Variants in CLRN1 observed in about 807,000 individuals in gnomAD.
The protein encoded by CLRN1 is clarin-1.
A neutral mutation model predicts 18.7 loss-of-function variants in CLRN1; 15 were observed. The ratio of observed to expected loss-of-function variants is 0.80; its 90% confidence interval spans 0.54 to 1.23. CLRN1 has a LOEUF of 1.23. CLRN1 is among the 50% of genes most tolerant of loss of function. CLRN1 has a pLI of 0.00. For missense variants in CLRN1, 311 were observed against 277.5 expected (o/e 1.12, Z -0.86); for synonymous variants, 104 against 102.9 (o/e 1.01, Z -0.07).
intron 2 of CLRN1, among the ~76,000 whole-genome samples, chr3:150,935,904 A>T (rs1282904280): frequency 6.7e-6 from 1 of 148,312 alleles, no homozygotes; most frequent in African/African-American, 2.5e-5. Context: ...AGTGATGGTG[A>T]GCATTTTTTC....
chr3:150,926,913 G>C lies in CLRN1; in HGVS notation c.*1023C>G. ...ATGGGTAATTCAGGGGAAAAAAAAAGTTGACCTGGGTCATGCTTGGTGACA... is the reference window on the plus strand; with the variant it reads ...ATGGGTAATTCAGGGGAAAAAAAAACTTGACCTGGGTCATGCTTGGTGACA... On this transcript the variant is annotated 3_prime_UTR_variant, in exon 3 of 3. Coordinates refer to ENST00000327047, the MANE Select transcript of CLRN1 (RefSeq NM_174878.3). 1.9e-6 allele frequency: 3 copies of C among 1,613,952 alleles called. No individual in the cohort carries two copies. The highest frequency in any genetic ancestry group is 2.5e-6 in the Non-Finnish European group (3 of 1,179,938).
chr3:150,945,246 C>G (rs1293796000), intron 1 of CLRN1, among the ~76,000 whole-genome samples: 1 of 152,178 alleles, frequency 6.6e-6, no homozygotes, highest in African/African-American at 2.4e-5. Context: ...TGGGGCTCCC[C>G]CATGTCTACA....
chr3:150,941,536 A>G (rs368778385), intron 2 of CLRN1, 46 bp downstream of exon 2: 24 of 1,582,642 alleles, frequency 1.5e-5, no homozygotes, highest in Non-Finnish European at 1.9e-5. Flanking sequence ...TCTTTTTGAC[A>G]TATTGAAAAG....
At chr3:150,957,519 C>G (rs1181448323) in intron 1 of CLRN1, among the ~76,000 whole-genome samples, 1 of 152,176 alleles carries the variant, frequency 6.6e-6, no homozygotes, top group African/African-American at 2.4e-5. Context: ...GGCATTTAGG[C>G]CTGTTGACTG....
At chr3:150,960,828 A>G (rs1714989316) in intron 1 of CLRN1, among the ~76,000 whole-genome samples, 1 of 152,250 alleles carries the variant, frequency 6.6e-6, no homozygotes, top group South Asian at 2.1e-4. Context: ...TCTTCCATCA[A>G]GTTCCCCAAA....
chr3:150,941,922 G>A (rs1713871143), intron 1 of CLRN1, among the ~76,000 whole-genome samples, 161 bp from the exon 2 acceptor site: 2 of 152,122 alleles, frequency 1.3e-5, no homozygotes, highest in African/African-American at 2.4e-5. Context: ...TTACAAAAAG[G>A]TTTAAAGATA....
intron 1 of CLRN1, among the ~76,000 whole-genome samples, chr3:150,950,530 T>C (rs1350482696): frequency 6.6e-6 from 1 of 152,198 alleles, no homozygotes; most frequent in Admixed American, 6.5e-5. Flanking sequence ...AAGATGTACC[T>C]GCAGCCAACG....
At chr3:150,929,486 A>G (rs1045295325) in intron 2 of CLRN1, among the ~76,000 whole-genome samples, 1 of 152,224 alleles carries the variant, frequency 6.6e-6, no homozygotes, top group African/African-American at 2.4e-5. Context: ...GGTGAAACCA[A>G]TTTGGGTTCA....
intron 2 of CLRN1, chr3:150,940,534 G>T (rs755336253): frequency 2.1e-5 from 32 of 1,534,008 alleles, no homozygotes; most frequent in Non-Finnish European, 2.4e-5. Context: ...AGGAGAAAAA[G>T]AAACAGTCGA....
chr3:150,966,439 G>A (rs12107625), intron 1 of CLRN1, among the ~76,000 whole-genome samples: 19,734 of 152,234 alleles, frequency 0.13, 1,395 homozygotes, highest in East Asian at 0.24. Context: ...TGGAAGAGGA[G>A]TTTCTTGGAA....
chr3:150,928,980 C>T (rs1712983034), intron 2 of CLRN1, among the ~76,000 whole-genome samples: 1 of 152,140 alleles, frequency 6.6e-6, no homozygotes, highest in Non-Finnish European at 1.5e-5. Flanking sequence ...CCCCAGCATA[C>T]ATTTTGGACC....
At chr3:150,952,170 C>T (rs549851455) in intron 1 of CLRN1, among the ~76,000 whole-genome samples, 8 of 152,276 alleles carry the variant, frequency 5.3e-5, no homozygotes, top group African/African-American at 1.9e-4. Context: ...TGGATCCCAA[C>T]CTACGATGGT....
At position 150,938,247 on chromosome 3, in the gene CLRN1, G is replaced by C. The variant is rs115062389; in HGVS notation, c.433+3335C>G. Among the ~76,000 whole-genome samples, 301 of 152,354 alleles carry C rather than the reference G, an allele frequency of 2.0e-3. 1 individual carries two copies. The highest frequency in any genetic ancestry group is 7.0e-3 in the African/African-American group (291 of 41,574). On this transcript the variant is annotated intron_variant, in intron 2 of 2. Transcript: ENST00000327047. ...AAGGGAAGAGAACCAGTCAGTGGAAGAGAGCTGACTTCTGGGGTCTCTTAA... is the reference window on the plus strand; with the variant it reads ...AAGGGAAGAGAACCAGTCAGTGGAACAGAGCTGACTTCTGGGGTCTCTTAA...
chr3:150,945,817 T>C (rs1223831412), intron 1 of CLRN1: 2 of 401,058 alleles, frequency 5.0e-6, no homozygotes, highest in Non-Finnish European at 8.5e-6. Flanking sequence ...TGCATTTTTC[T>C]TGGGAGTGTA....
At chr3:150,957,593 T>C (rs149231584) in intron 1 of CLRN1, among the ~76,000 whole-genome samples, 15 of 152,348 alleles carry the variant, frequency 9.8e-5, no homozygotes, top group Non-Finnish European at 1.6e-4. Flanking sequence ...CTCGATCTCC[T>C]TGACAAGTCT....
At chr3:150,952,148 C>T (rs371945137) in intron 1 of CLRN1, among the ~76,000 whole-genome samples, 8 of 152,142 alleles carry the variant, frequency 5.3e-5, no homozygotes, top group African/African-American at 1.9e-4. Context: ...CAGTGTAGCT[C>T]GTCTTATAGG....
chr3:150,941,424 G>T, intron 2 of CLRN1, 158 bp downstream of exon 2: 1 of 710,112 alleles, frequency 1.4e-6, no homozygotes, highest in Non-Finnish European at 2.4e-6. Flanking sequence ...CCCTACTGTT[G>T]AGCAAGTGTG....
chr3:150,963,273 GACAA>G (rs1391016093), intron 1 of CLRN1, among the ~76,000 whole-genome samples: 1 of 152,104 alleles, frequency 6.6e-6, no homozygotes, highest in Non-Finnish European at 1.5e-5. Flanking sequence ...ACCAATAACA[GACAA>G]ACAGAGAGCA....
intron 1 of CLRN1, chr3:150,942,603 A>G: frequency 2.2e-6 from 1 of 455,842 alleles, no homozygotes; most frequent in South Asian, 1.6e-5. Context: ...ATAAAACAAG[A>G]TGGACAAGAT....
Sources: gnomAD v4.1 joint callset for allele counts (sites outside exome capture counted in the v4.1 genomes callset) on GRCh38, gnomAD v4.1.1 for gene constraint, MANE v1.5 for transcripts, NCBI Gene and HGNC (gene_info 2026-07-23, HGNC 2026-07-21) for gene names.